Variants in IL6 observed in about 807,000 individuals in gnomAD.
IL6 encodes the protein interleukin 6.
Under a neutral mutation model 18.0 loss-of-function variants are expected in IL6, and 5 were observed. The ratio of observed to expected loss-of-function variants is 0.28; its 90% CI spans 0.15 to 0.58. The LOEUF (loss-of-function observed/expected upper bound fraction) is 0.58. IL6 is among the 20% of genes least tolerant of loss of function. The pLI, the probability that IL6 is intolerant of heterozygous loss-of-function variation, is 0.90. For missense variants in IL6, 266 were observed against 251.0 expected (o/e 1.06, Z -0.40); for synonymous variants, 97 against 95.1 (o/e 1.02, Z -0.12).
rs111490870 is a variant in IL6, at chr7:22,731,576, T to C, written c.*3T>C. 6.3e-6 allele frequency: 10 copies of C among 1,587,190 alleles called. 2 individuals are homozygous for C. The African/African-American group carries it at 1.1e-4, about 17-fold the overall frequency. On this transcript the variant is annotated 3_prime_UTR_variant, in exon 5 of 5. Coordinates refer to ENST00000258743, the MANE Select transcript of IL6 (RefSeq NM_000600.5). ...TGAGGGCTCTTCGGCAAATGTAGCA[T>C]GGGCACCTCAGATTGTTGTTGTTAA...
At position 22,728,679 on chromosome 7, in the gene IL6, G is replaced by C; in HGVS notation, c.211-14G>C. The C allele has an allele frequency of 6.8e-7, 1 of 1,476,996 alleles. No homozygotes were observed. 91.5% of individuals were successfully genotyped at this position (1,476,996 alleles called of 1,614,324 possible). On this transcript the variant is annotated splice_polypyrimidine_tract_variant and intron_variant, in intron 2 of 4. Transcript: ENST00000258743. ...GGACACTTAGGTGATAACAATTCTG[G>C]TATTCTTTCCCAGACATGTAACAAG... is the stretch of plus-strand genomic sequence containing the variant.
chr7:22,729,881 T>A, intron 4 of IL6: 1 of 1,453,092 alleles, frequency 6.9e-7, no homozygotes, highest in Non-Finnish European at 9.1e-7. Flanking sequence ...TATTTTAAAC[T>A]ATATATTAAC....
intron 4 of IL6, chr7:22,729,903 T>G: frequency 7.0e-7 from 1 of 1,418,450 alleles, no homozygotes; most frequent in Non-Finnish European, 9.2e-7. Context: ...GAGGTGGATT[T>G]TAACATCAAT....
intron 4 of IL6, among the ~76,000 whole-genome samples, chr7:22,730,638 T>C (rs139543282): frequency 6.6e-6 from 1 of 152,218 alleles, no homozygotes; most frequent in African/African-American, 2.4e-5. Context: ...CCTTTAAGTA[T>C]GGGCTCTTCA....
rs754443129 is a variant in IL6 at position 22,729,721 on chromosome 7, C to T, written c.471+61C>T. 7 of 1,612,412 alleles carry T rather than the reference C, an allele frequency of 4.3e-6. No homozygotes were observed. In the African/African-American group the frequency reaches 6.7e-5, roughly 15 times the overall value. The stretch of plus-strand genomic sequence containing the variant: ...GGAAGACAGGCTCAAAGACAGTGTC[C>T]TGGACAACTCAGGGATGCAATGCCA... On this transcript the variant is annotated intron_variant, in intron 4 of 4. Coordinates refer to ENST00000258743, the MANE Select transcript of IL6 (RefSeq NM_000600.5).
At chr7:22,731,298 C>T in intron 4 of IL6, 108 bp from the exon 5 acceptor site, 1 of 817,310 alleles carries the variant, frequency 1.2e-6, no homozygotes, top group Non-Finnish European at 1.8e-6. Flanking sequence ...TAATCTCATT[C>T]ACCCCACATT....
At chr7:22,730,896 A>G (rs1424390353) in intron 4 of IL6, among the ~76,000 whole-genome samples, 2 of 152,130 alleles carry the variant, frequency 1.3e-5, no homozygotes, top group African/African-American at 4.8e-5. Context: ...TGCTTCCCTC[A>G]GGATGCTTGT....
In IL6 at chr7:22,727,490, G is replaced by T. The variant is rs1207045699; in HGVS notation, c.66G>T (p.Leu22Phe). Residue 22 changes from leucine (L) to phenylalanine (F), a missense_variant, in exon 2 of 5, where the codon TTG (leucine) becomes TTT (phenylalanine). Coordinates refer to ENST00000258743, the MANE Select transcript of IL6 (RefSeq NM_000600.5). ...VAFSLGLLLV[L>F]PAAFPAPVPP... ...TCTCCCTGGGGCTGCTCCTGGTGTT[G>T]CCTGCTGCCTTCCCTGCCCCAGTAC... 1.2e-6 allele frequency: 2 copies of T among 1,614,028 alleles called. No homozygotes were observed. Among genetic ancestry groups the T allele is most frequent in the Middle Eastern group, 1.7e-4 (1 of 6,060 alleles).
At chr7:22,729,329 G>A (rs1202317090) in intron 3 of IL6, among the ~76,000 whole-genome samples, 185 bp from the exon 4 acceptor site, 1 of 152,210 alleles carries the variant, frequency 6.6e-6, no homozygotes, top group Non-Finnish European at 1.5e-5. Flanking sequence ...CTAATTACAT[G>A]GGGCCTCTGA....
chr7:22,731,663 A>G lies in IL6; in HGVS notation c.*90A>G, dbSNP rs1035303354. ...GGGCACAGAACTTATGTTGTTCTCT[A>G]TGGAGAACTAAAAGTATGAGCGTTA... On this transcript the variant is annotated 3_prime_UTR_variant, in exon 5 of 5. Coordinates refer to ENST00000258743, the MANE Select transcript of IL6 (RefSeq NM_000600.5). 2.3e-5 allele frequency: 20 copies of G among 857,684 alleles called. No homozygotes were observed. Among genetic ancestry groups the G allele is most frequent in the Middle Eastern group, 3.2e-4 (1 of 3,132 alleles). 53.1% of individuals were successfully genotyped at this position (857,684 alleles called of 1,614,324 possible). A position where few individuals can be genotyped will look rare whatever the true frequency, so the allele number is the denominator to read the frequency against.
At chr7:22,730,481 C>T (rs1458117867) in intron 4 of IL6, 1 of 158,374 alleles carries the variant, frequency 6.3e-6, no homozygotes, top group Non-Finnish European at 1.4e-5. Flanking sequence ...TTACTTATCC[C>T]ATATGGTGGG....
chr7:22,730,552 T>C (rs535975795), intron 4 of IL6, among the ~76,000 whole-genome samples: 1 of 152,204 alleles, frequency 6.6e-6, no homozygotes, highest in South Asian at 2.1e-4. Flanking sequence ...TTTCAACAGA[T>C]CCTAAAGGGA....
chr7:22,727,723 A>T, intron 2 of IL6, 89 bp downstream of exon 2: 1 of 1,436,306 alleles, frequency 7.0e-7, no homozygotes, highest in Non-Finnish European at 9.3e-7. Flanking sequence ...CTGCATTAGG[A>T]GGTCTTTGCT....
At position 22,727,287 on chromosome 7, in the gene IL6, T is replaced by G. The variant is rs766513767; in HGVS notation, c.19+6T>G. Reference sequence around the variant, plus strand: ...TATGAACTCCTTCTCCACAAGTAAGTGCAGGAAATCCTTAGCCCTGGAACT... The same window carrying G: ...TATGAACTCCTTCTCCACAAGTAAGGGCAGGAAATCCTTAGCCCTGGAACT... On this transcript the variant is annotated splice_donor_region_variant and intron_variant, in intron 1 of 4. Transcript: ENST00000258743. 6.2e-7 allele frequency: 1 copy of G among 1,613,872 alleles called. No homozygotes were observed. Among genetic ancestry groups the G allele is most frequent in the South Asian group, 1.1e-5 (1 of 91,052 alleles).
intron 3 of IL6, 21 bp downstream of exon 3, chr7:22,728,827 C>T: frequency 7.2e-7 from 1 of 1,388,232 alleles, no homozygotes. Flanking sequence ...GTCGCACTCA[C>T]TTTTCACTAT....
intron 2 of IL6, chr7:22,728,458 G>A (rs934551948): frequency 1.6e-5 from 8 of 489,284 alleles, no homozygotes; most frequent in Non-Finnish European, 2.9e-5. Flanking sequence ...AAGGTTTTTG[G>A]AGATAAGGAA....
At chr7:22,728,254 C>T (rs963585595) in intron 2 of IL6, among the ~76,000 whole-genome samples, 4 of 152,168 alleles carry the variant, frequency 2.6e-5, no homozygotes, top group Non-Finnish European at 5.9e-5. Flanking sequence ...TGGGTAAATT[C>T]CCTACCACCT....
At chr7:22,729,347 G>C (rs1784078536) in intron 3 of IL6, among the ~76,000 whole-genome samples, 167 bp from the exon 4 acceptor site, 1 of 152,240 alleles carries the variant, frequency 6.6e-6, no homozygotes. Context: ...TGATTGTCCA[G>C]TTATTTAAAA....
chr7:22,729,793 G>C (rs773345367), intron 4 of IL6, 133 bp downstream of exon 4: 2 of 1,546,462 alleles, frequency 1.3e-6, no homozygotes, highest in East Asian at 2.4e-5. Context: ...CTGAGAAATA[G>C]TTTCTGATTG....
Sources: allele counts gnomAD v4.1 joint callset (sites outside exome capture counted in the v4.1 genomes callset), GRCh38; gene constraint gnomAD v4.1.1; transcripts MANE v1.5; gene names NCBI Gene and HGNC (gene_info 2026-07-23, HGNC 2026-07-21).